The following IKBKE variants were observed in gnomAD, a reference collection of about 807,000 sequenced individuals.
IKBKE encodes inhibitor of nuclear factor kappa B kinase subunit epsilon.
A neutral mutation model predicts 92.1 loss-of-function variants in IKBKE; 45 were observed. The observed-to-expected ratio is 0.49, with a 90% CI of 0.38 to 0.63. The LOEUF is 0.63. Among genes scored for constraint, IKBKE ranks in the 20% least tolerant of loss-of-function variants. The pLI, the probability that IKBKE is intolerant of heterozygous loss-of-function variation, is 0.00. For synonymous variants in IKBKE, 374 were observed against 380.3 expected, an observed-to-expected ratio of 0.98 and a Z score of 0.19; for missense variants, 700 against 932.8, an observed-to-expected ratio of 0.75 and a Z score of 3.25.
chr1:206,479,653 A>G (rs1277359219), intron 10 of IKBKE, among the ~76,000 whole-genome samples: 8 of 152,188 alleles, frequency 5.3e-5, no homozygotes, highest in Admixed American at 3.3e-4. Flanking sequence ...CAGCTCTTGG[A>G]CATGAGGAGG....
At chr1:206,474,761 G>A (rs1553384749) in intron 4 of IKBKE, 104 bp from the exon 5 acceptor site, 2 of 1,401,850 alleles carry the variant, frequency 1.4e-6, no homozygotes, top group Admixed American at 4.1e-5. Flanking sequence ...CAGAAGCTGG[G>A]ACCTGGAGAA....
rs782623775 is a variant in IKBKE at position 206,476,653 on chromosome 1, G to A, written c.541-25G>A. 90 of 1,613,820 alleles carry A rather than the reference G, an allele frequency of 5.6e-5. No individual in the cohort carries two copies. Among genetic ancestry groups the A allele is most frequent in the Non-Finnish European group, 7.3e-5 (86 of 1,179,922 alleles). Reference sequence around the variant, plus strand: ...CCCTTGCCAGCCCTCCGGCTCCATGGCCTCATTCTGGTTCTCTCCGGCAGC... The same window carrying A: ...CCCTTGCCAGCCCTCCGGCTCCATGACCTCATTCTGGTTCTCTCCGGCAGC... On this transcript the variant is annotated intron_variant, in intron 6 of 21. Transcript: ENST00000581977. The surrounding 1 kb of genome is among the most constrained non-coding windows in gnomAD (Gnocchi z 5.1).
At chr1:206,474,696 G>A in intron 4 of IKBKE, 169 bp from the exon 5 acceptor site, 1 of 847,328 alleles carries the variant, frequency 1.2e-6, no homozygotes, top group South Asian at 1.8e-5. Context: ...TGGAATAACT[G>A]ACTTTGGATT....
chr1:206,474,435 C>T lies in IKBKE; in HGVS notation c.192C>T (p.His64=). The T allele has an allele frequency of 1.2e-6, 2 of 1,614,092 alleles. No homozygotes were observed. Among genetic ancestry groups the T allele is most frequent in the Non-Finnish European group, 1.7e-6 (2 of 1,179,978 alleles). Residue 64 remains histidine (H), a synonymous_variant, in exon 4 of 22, where the codon CAC becomes CAT. Coordinates refer to ENST00000581977, the MANE Select transcript of IKBKE (RefSeq NM_014002.4). ...REFEVLRKLN[H]QNIVKLFAVE... ...TTGAGGTCCTGCGGAAGCTGAACCA[C>T]CAGAACATTGTCAAGCTCTTTGCGG...
At chr1:206,494,064 C>A in intron 21 of IKBKE, 73 bp downstream of exon 21, 1 of 1,285,900 alleles carries the variant, frequency 7.8e-7, no homozygotes, top group Non-Finnish European at 1.1e-6. Context: ...GGTGAAGAGT[C>A]CCCAAGCCTG....
At chr1:206,482,958 C>T (rs1297990831) in intron 13 of IKBKE, among the ~76,000 whole-genome samples, 2 of 152,248 alleles carry the variant, frequency 1.3e-5, no homozygotes, top group Non-Finnish European at 2.9e-5. Context: ...ACCCACCTCT[C>T]CCCCAGTGTG....
chr1:206,471,500 C>T (rs146850380), intron 2 of IKBKE, among the ~76,000 whole-genome samples: 6 of 152,298 alleles, frequency 3.9e-5, no homozygotes, highest in African/African-American at 1.2e-4. Flanking sequence ...TGGGGGTCTG[C>T]GCTTTGCACC....
chr1:206,490,054 G>A lies in IKBKE; in HGVS notation c.1694-765G>A, dbSNP rs1297448937. On this transcript the variant is annotated intron_variant, in intron 16 of 21. Transcript: ENST00000581977. This position sits in a 1 kb window ranked among gnomAD's most constrained non-coding sequence, Gnocchi z 5.2. ...TCAGCGAAGTGAAATCACTCGCCTA[G>A]TGCCGCCTGCCAACAGGAGGAAGGG... 2.0e-5 allele frequency among the ~76,000 whole-genome samples: 3 copies of A among 152,212 alleles called. No individual in the cohort carries two copies. Among genetic ancestry groups the A allele is most frequent in the Admixed American group, 1.3e-4 (2 of 15,280 alleles).
At chr1:206,491,532 A>C in intron 17 of IKBKE, 116 bp from the exon 18 acceptor site, 1 of 703,702 alleles carries the variant, frequency 1.4e-6, no homozygotes, top group Non-Finnish European at 2.6e-6. Flanking sequence ...CTGTGGACGC[A>C]GGGCTTGGGC....
Position 206,493,376 on chromosome 1 carries a change from C to T in IKBKE, c.2043C>T (p.Leu681=), listed in dbSNP as rs781960605. The change falls in exon 20 of 22, where the codon CTC becomes CTT. Residue 681 remains leucine (L), a splice_region_variant and synonymous_variant. Transcript: ENST00000581977. ...YPSPTRKDLL[L]HMQELCEGMK... is the part of the protein sequence containing the mutation. ...GCCCTACACGAAAGGACCTGCTTCT[C>T]CAGTAAGTGCTGGGGAGAAAGCGGT... The T allele has an allele frequency of 3.2e-5, 52 of 1,607,736 alleles. No homozygotes were observed. Among genetic ancestry groups the T allele is most frequent in the Non-Finnish European group, 4.0e-5 (47 of 1,174,390 alleles).
chr1:206,491,631 G>T lies in IKBKE; in HGVS notation c.1734-17G>T. ...GTTCTGGCAGCTCATCTGCACCTTG[G>T]TTCTCTGTCGTTCTAGGGTGAATTT... On this transcript the variant is annotated splice_polypyrimidine_tract_variant and intron_variant, in intron 17 of 21. Transcript: ENST00000581977. The T allele has an allele frequency of 6.3e-7, 1 of 1,597,128 alleles. No individual in the cohort carries two copies. The highest frequency in any genetic ancestry group is 1.1e-5 in the South Asian group (1 of 90,616).
chr1:206,491,383 C>G, intron 17 of IKBKE: 1 of 425,206 alleles, frequency 2.4e-6, no homozygotes, highest in Non-Finnish European at 4.4e-6. Flanking sequence ...GAGGACTAAG[C>G]TTGAGCACAT....
chr1:206,480,145 G>A, intron 12 of IKBKE, 32 bp downstream of exon 12: 1 of 1,493,226 alleles, frequency 6.7e-7, no homozygotes, highest in Non-Finnish European at 9.0e-7. Context: ...GCACAGAGGG[G>A]GAGGCGGGCA....
chr1:206,494,107 CG>C (rs1666097034), intron 21 of IKBKE, 116 bp downstream of exon 21: 10 of 813,074 alleles, frequency 1.2e-5, no homozygotes, highest in Non-Finnish European at 2.0e-5. Context: ...TGTCCATTTT[CG>C]AAGAAGCCCT....
chr1:206,472,521 C>T (rs1664829749), intron 2 of IKBKE, among the ~76,000 whole-genome samples: 1 of 152,004 alleles, frequency 6.6e-6, no homozygotes. Flanking sequence ...CCCCTATACC[C>T]TGCTCTCACA....
chr1:206,481,785 TTTTTTTTTTTTTG>T, intron 13 of IKBKE, among the ~76,000 whole-genome samples: 1 of 132,428 alleles, frequency 7.6e-6, no homozygotes, highest in East Asian at 2.2e-4. Flanking sequence ...TTTTTTTTTT[TTTTTTTTTTTTTG>T]AGACGGAGCC....
chr1:206,478,395 G>A lies in IKBKE; in HGVS notation c.992+56G>A. 1 of 1,550,782 alleles carries A rather than the reference G, an allele frequency of 6.4e-7. No individual in the cohort carries two copies. Among genetic ancestry groups the A allele is most frequent in the Non-Finnish European group, 8.8e-7 (1 of 1,133,732 alleles). ...GAACCTTCTCTACCCAAGCAGCAGT[G>A]CATGTCCAAAGCAGCATCTCCCACA... On this transcript the variant is annotated intron_variant, in intron 9 of 21. Coordinates refer to ENST00000581977, the MANE Select transcript of IKBKE (RefSeq NM_014002.4). The surrounding 1 kb of genome is among the most constrained non-coding windows in gnomAD (Gnocchi z 4.8).
intron 12 of IKBKE, among the ~76,000 whole-genome samples, 167 bp downstream of exon 12, chr1:206,480,280 C>T (rs1324546251): frequency 1.4e-4 from 3 of 21,240 alleles, no homozygotes; most frequent in East Asian, 1.8e-3. Flanking sequence ...GAGGGGGAGG[C>T]GGGCTGGAGG....
At chr1:206,493,158 C>G (rs782622964) in intron 19 of IKBKE, 39 bp downstream of exon 19, 2 of 1,562,440 alleles carry the variant, frequency 1.3e-6, no homozygotes, top group Non-Finnish European at 1.7e-6. Flanking sequence ...TCTGGGGATG[C>G]AGGCTGGGGC....
Sources: allele counts gnomAD v4.1 joint callset (sites outside exome capture counted in the v4.1 genomes callset), GRCh38; gene constraint gnomAD v4.1.1; non-coding constraint Gnocchi (gnomAD v3.1); transcripts MANE v1.5; gene names NCBI Gene and HGNC (gene_info 2026-07-23, HGNC 2026-07-21).